Variants in NEBL observed in about 807,000 individuals in gnomAD.
NEBL encodes the protein nebulette.
Under a neutral mutation model 140.2 loss-of-function variants are expected in NEBL, and 122 were observed. The ratio of observed to expected loss-of-function variants is 0.87; its 90% CI spans 0.75 to 1.01. The LOEUF is 1.01. Ranked by LOEUF, NEBL falls within the 50% of genes least tolerant of loss-of-function variation. The pLI, the probability that NEBL is intolerant of heterozygous loss-of-function variation, is 0.00. For synonymous variants in NEBL, 436 were observed against 398.9 expected, an observed-to-expected ratio of 1.09 and a Z score of -1.11; for missense variants, 1,365 against 1,231.3, an observed-to-expected ratio of 1.11 and a Z score of -1.62.
exon 2 of NEBL, among the ~76,000 whole-genome samples, chr10:21,251,779 C>G (rs1842592208): frequency 6.6e-6 from 1 of 152,118 alleles, no homozygotes; most frequent in Non-Finnish European, 1.5e-5. Flanking sequence ...ATCCATGAAC[C>G]AGGAAGGAAT....
chr10:21,076,990 A>G (rs1836126801), intron 2 of NEBL, among the ~76,000 whole-genome samples: 1 of 152,228 alleles, frequency 6.6e-6, no homozygotes, highest in South Asian at 2.1e-4. Flanking sequence ...ATTTGCACAA[A>G]AATGTGAATA....
intron 2 of NEBL, chr10:21,112,740 A>AT (rs1383083335): frequency 2.4e-5 from 3 of 126,064 alleles, no homozygotes; most frequent in Non-Finnish European, 4.5e-5. Flanking sequence ...TTAAAGTATA[A>AT]TAAAAAAAAA....
At chr10:21,222,612 G>A (rs1414486701) in intron 3 of NEBL, among the ~76,000 whole-genome samples, 2 of 152,022 alleles carry the variant, frequency 1.3e-5, no homozygotes, top group Non-Finnish European at 2.9e-5. Flanking sequence ...ATTTTTGTGG[G>A]TACATAGTAG....
intron 3 of NEBL, among the ~76,000 whole-genome samples, chr10:20,976,584 C>T (rs1836807986): frequency 6.6e-6 from 1 of 152,126 alleles, no homozygotes; most frequent in Non-Finnish European, 1.5e-5. Flanking sequence ...GAATACTATG[C>T]AGCCATAAAA....
intron 4 of NEBL, among the ~76,000 whole-genome samples, chr10:20,956,389 G>T (rs886344339): frequency 1.3e-5 from 2 of 151,804 alleles, no homozygotes; most frequent in Admixed American, 1.3e-4. Context: ...TTTAAACTTT[G>T]TCTTTAAAGA....
chr10:21,010,444 G>T (rs1838294235), intron 3 of NEBL, among the ~76,000 whole-genome samples: 1 of 148,466 alleles, frequency 6.7e-6, no homozygotes, highest in African/African-American at 2.5e-5. Context: ...TGCAAGAACA[G>T]GGTTTTGCTA....
intron 3 of NEBL, among the ~76,000 whole-genome samples, chr10:21,209,225 G>A (rs1203878596): frequency 1.3e-5 from 2 of 152,150 alleles, no homozygotes; most frequent in Admixed American, 1.3e-4. Context: ...GACTTTTCTG[G>A]AAGCCCCCCT....
intron 1 of NEBL, among the ~76,000 whole-genome samples, chr10:21,267,094 C>G (rs765948175): frequency 6.6e-6 from 1 of 152,164 alleles, no homozygotes; most frequent in African/African-American, 2.4e-5. Flanking sequence ...CCTGCCTCAG[C>G]CTCCCGAGTA....
At chr10:21,112,428 T>C (rs1430509931) in intron 2 of NEBL, among the ~76,000 whole-genome samples, 1 of 152,154 alleles carries the variant, frequency 6.6e-6, no homozygotes, top group African/African-American at 2.4e-5. Flanking sequence ...GTTGAGTTCA[T>C]GTCCTTTGCA....
intron 2 of NEBL, among the ~76,000 whole-genome samples, chr10:21,064,036 T>C (rs1199813290): frequency 2.0e-5 from 3 of 151,494 alleles, no homozygotes; most frequent in African/African-American, 4.8e-5. Flanking sequence ...CGCGCCACTG[T>C]ACTCCAGCCT....
intron 2 of NEBL, among the ~76,000 whole-genome samples, chr10:21,128,723 C>T (rs1157424996): frequency 6.6e-6 from 1 of 152,132 alleles, no homozygotes; most frequent in Non-Finnish European, 1.5e-5. Flanking sequence ...CAACTCTCAA[C>T]TTATCCCGTA....
At chr10:20,843,403 A>G (rs1385791347) in intron 12 of NEBL, among the ~76,000 whole-genome samples, 1 of 151,926 alleles carries the variant, frequency 6.6e-6, no homozygotes, top group African/African-American at 2.4e-5. Context: ...ACCCTGATGC[A>G]TGTATTCTGA....
chr10:21,270,321 T>A (rs1386920635), intron 1 of NEBL, among the ~76,000 whole-genome samples: 1 of 152,150 alleles, frequency 6.6e-6, no homozygotes, highest in Non-Finnish European at 1.5e-5. Context: ...CCTCCTAGAC[T>A]GTCATAAAAC....
At chr10:21,191,997 T>C (rs1272306742) in intron 3 of NEBL, among the ~76,000 whole-genome samples, 1 of 152,162 alleles carries the variant, frequency 6.6e-6, no homozygotes, top group Non-Finnish European at 1.5e-5. Flanking sequence ...GGGTTATTGA[T>C]TGCTCTTCTC....
At chr10:20,980,041 C>T (rs533748403) in intron 3 of NEBL, among the ~76,000 whole-genome samples, 151 of 144,868 alleles carry the variant, frequency 1.0e-3, no homozygotes, top group African/African-American at 4.0e-3. Context: ...TTTAAAGTGT[C>T]TCATTTCCAC....
intron 2 of NEBL, among the ~76,000 whole-genome samples, chr10:21,119,167 C>T (rs1446055256): frequency 1.3e-5 from 2 of 152,104 alleles, no homozygotes; most frequent in African/African-American, 4.8e-5. Flanking sequence ...CTTTATTCGA[C>T]AATAATAACA....
At chr10:20,950,193 C>T (rs893622916) in intron 4 of NEBL, among the ~76,000 whole-genome samples, 1 of 152,178 alleles carries the variant, frequency 6.6e-6, no homozygotes, top group Non-Finnish European at 1.5e-5. Flanking sequence ...GTGCTTTATT[C>T]CTCATTAATC....
At chr10:20,787,436 G>A (rs920152813) in intron 26 of NEBL, 128 bp from the exon 27 acceptor site, 8 of 757,944 alleles carry the variant, frequency 1.1e-5, no homozygotes, top group South Asian at 7.4e-5. Flanking sequence ...TCAGTGTTGT[G>A]AAATTTAAGT....
chr10:20,819,598 T>C, intron 19 of NEBL, 82 bp from the exon 20 acceptor site: 2 of 1,493,478 alleles, frequency 1.3e-6, no homozygotes, highest in Admixed American at 3.4e-5. Context: ...TTTTTAAATG[T>C]CACATGGCTA....
Sources: gnomAD v4.1 joint callset for allele counts (sites outside exome capture counted in the v4.1 genomes callset) on GRCh38, gnomAD v4.1.1 for gene constraint, MANE v1.5 for transcripts, NCBI Gene and HGNC (gene_info 2026-07-23, HGNC 2026-07-21) for gene names.